The following ABCD2 variants were observed in gnomAD, a reference collection of about 807,000 sequenced individuals.
ABCD2 encodes ATP binding cassette subfamily D member 2.
ABCD2 carries 36 observed loss-of-function variants against 70.9 expected under a neutral mutation model. The ratio of observed to expected loss-of-function variants is 0.51; its 90% CI spans 0.39 to 0.67. The LOEUF is 0.67. ABCD2 is among the 30% of genes least tolerant of loss of function. The pLI, the probability that ABCD2 is intolerant of heterozygous loss-of-function variation, is 0.00. For missense variants in ABCD2, 729 were observed against 890.2 expected (o/e 0.82, Z 2.30); for synonymous variants, 304 against 306.9 (o/e 0.99, Z 0.10).
At chr12:39,596,721 A>G (rs1343456955) in intron 6 of ABCD2, among the ~76,000 whole-genome samples, 1 of 152,190 alleles carries the variant, frequency 6.6e-6, no homozygotes, top group East Asian at 1.9e-4. Flanking sequence ...AATTACGATT[A>G]AAATTTCTTT....
chr12:39,597,098 G>A (rs1416958503), intron 6 of ABCD2, among the ~76,000 whole-genome samples: 1 of 152,174 alleles, frequency 6.6e-6, no homozygotes, highest in Admixed American at 6.5e-5. Context: ...CAACTGTAAT[G>A]TGATGTATGC....
the ABCD2 span, among the ~76,000 whole-genome samples, chr12:39,536,304 G>A: frequency 6.6e-6 from 1 of 152,082 alleles, no homozygotes; most frequent in Non-Finnish European, 1.5e-5. Context: ...GAATGTATCA[G>A]ACCCCAGACA....
intron 9 of ABCD2, among the ~76,000 whole-genome samples, chr12:39,564,197 C>T (rs552336304): frequency 8.5e-5 from 13 of 152,284 alleles, no homozygotes; most frequent in South Asian, 2.1e-4. Flanking sequence ...CCTGAGGAAT[C>T]GCCACACTGA....
At chr12:39,547,963 C>T (rs1213952240), downstream of ABCD2, among the ~76,000 whole-genome samples, 2 of 151,782 alleles carry the variant, frequency 1.3e-5, no homozygotes, top group African/African-American at 4.8e-5. Flanking sequence ...ATAGAAGGTC[C>T]CTGCCTTATG....
At chr12:39,601,802 A>G (rs1219849678) in intron 5 of ABCD2, among the ~76,000 whole-genome samples, 1 of 152,182 alleles carries the variant, frequency 6.6e-6, no homozygotes, top group East Asian at 1.9e-4. Context: ...AATCTCAGGA[A>G]GAAGCTAGAA....
At chr12:39,612,514 A>G (rs1251131882) in intron 2 of ABCD2, among the ~76,000 whole-genome samples, 1 of 152,212 alleles carries the variant, frequency 6.6e-6, no homozygotes, top group African/African-American at 2.4e-5. Context: ...GAAATTTTCA[A>G]ACTAGCAAAT....
At chr12:39,533,746 T>C in the ABCD2 span, among the ~76,000 whole-genome samples, 1 of 152,240 alleles carries the variant, frequency 6.6e-6, no homozygotes, top group Non-Finnish European at 1.5e-5. Context: ...TAATAGGCAC[T>C]CCCTAACACG....
intron 2 of ABCD2, among the ~76,000 whole-genome samples, chr12:39,614,574 T>C (rs1942090755): frequency 1.3e-5 from 2 of 151,862 alleles, no homozygotes; most frequent in South Asian, 4.1e-4. Context: ...CCTTAAAATA[T>C]ATAAAGCATC....
In ABCD2 at chr12:39,602,341, A is replaced by G. The variant is rs560416887; in HGVS notation, c.1500+1571T>C. Reference sequence around the variant, plus strand: ...CTAATTTTTGTATTTTTTAGTAGAGACAGGGTTTCACCATGTTGGCCAGGC... The same window carrying G: ...CTAATTTTTGTATTTTTTAGTAGAGGCAGGGTTTCACCATGTTGGCCAGGC... On this transcript the variant is annotated intron_variant, in intron 5 of 9. Coordinates refer to ENST00000308666, the MANE Select transcript of ABCD2 (RefSeq NM_005164.4). Among the ~76,000 whole-genome samples the G allele has an allele frequency of 5.9e-3, 901 of 151,674 alleles. 6 individuals are homozygous for G. The highest frequency in any genetic ancestry group is 0.01 in the Non-Finnish European group (692 of 67,908).
At chr12:39,562,538 T>C (rs1240704440) in intron 9 of ABCD2, among the ~76,000 whole-genome samples, 1 of 152,012 alleles carries the variant, frequency 6.6e-6, no homozygotes, top group Non-Finnish European at 1.5e-5. Context: ...CAAAGAATGA[T>C]GAGACTGTTG....
intron 6 of ABCD2, among the ~76,000 whole-genome samples, chr12:39,596,233 A>C (rs1941813057): frequency 6.6e-6 from 1 of 152,240 alleles, no homozygotes. Flanking sequence ...AATTACTTTC[A>C]AAACTCAGGT....
chr12:39,583,061 T>C (rs1941618499), intron 7 of ABCD2, among the ~76,000 whole-genome samples: 1 of 152,238 alleles, frequency 6.6e-6, no homozygotes, highest in African/African-American at 2.4e-5. Context: ...GGTTTCACCA[T>C]GTTGCCCAGG....
chr12:39,610,326 C>T (rs1942028531), intron 2 of ABCD2, among the ~76,000 whole-genome samples: 1 of 151,944 alleles, frequency 6.6e-6, no homozygotes. Flanking sequence ...CTGTTAGTCC[C>T]CTTGAAGTTA....
At chr12:39,595,489 T>C (rs986385174) in intron 6 of ABCD2, among the ~76,000 whole-genome samples, 3 of 152,262 alleles carry the variant, frequency 2.0e-5, no homozygotes, top group Admixed American at 1.3e-4. Flanking sequence ...AGTTATTATC[T>C]ATATTTAATT....
chr12:39,619,711 G>A lies in ABCD2; in HGVS notation c.-96C>T, dbSNP rs1942169295. 3.0e-5 allele frequency: 32 copies of A among 1,067,060 alleles called. No homozygotes were observed. The highest frequency in any genetic ancestry group is 4.1e-5 in the Non-Finnish European group (31 of 754,530). 66.1% of individuals were successfully genotyped at this position (1,067,060 alleles called of 1,614,324 possible). On this transcript the variant is annotated 5_prime_UTR_variant, in exon 1 of 10. In the 5' UTR this introduces an upstream ATG that the reference lacks. Coordinates refer to ENST00000308666, the MANE Select transcript of ABCD2 (RefSeq NM_005164.4). ...CAAATGTTTTAGAAAGTCCTACAGC[G>A]TCCCATAGTCTGCAGCGTTTCTCTT... is the stretch of plus-strand genomic sequence containing the variant.
chr12:39,607,200 A>G (rs577363818), intron 3 of ABCD2, among the ~76,000 whole-genome samples: 1 of 152,286 alleles, frequency 6.6e-6, no homozygotes, highest in East Asian at 1.9e-4. Flanking sequence ...CAACAACCCC[A>G]CAAGTCAGTG....
chr12:39,574,770 A>C (rs1392549702), intron 8 of ABCD2, among the ~76,000 whole-genome samples: 4 of 152,166 alleles, frequency 2.6e-5, no homozygotes, highest in African/African-American at 4.8e-5. Context: ...ATAAAATGAC[A>C]AAAAAGTTAA....
At chr12:39,614,202 A>C (rs893875114) in intron 2 of ABCD2, among the ~76,000 whole-genome samples, 1 of 152,250 alleles carries the variant, frequency 6.6e-6, no homozygotes, top group Non-Finnish European at 1.5e-5. Flanking sequence ...AGAAGCCAGC[A>C]TATGATCCAG....
chr12:39,540,500 A>T, the ABCD2 span, among the ~76,000 whole-genome samples: 1 of 152,140 alleles, frequency 6.6e-6, no homozygotes, highest in East Asian at 1.9e-4. Flanking sequence ...CCTTTGTGGG[A>T]AAAAAATTTG....
Sources: allele counts gnomAD v4.1 joint callset (sites outside exome capture counted in the v4.1 genomes callset), GRCh38; gene constraint gnomAD v4.1.1; transcripts MANE v1.5; gene names NCBI Gene and HGNC (gene_info 2026-07-23, HGNC 2026-07-21).